The following BRSK2 variants were observed in gnomAD, a reference collection of about 807,000 sequenced individuals.
BRSK2 encodes the protein serine/threonine-protein kinase BRSK2.
BRSK2 carries 19 observed loss-of-function variants against 83.3 expected under a neutral mutation model. The observed-to-expected ratio is 0.23, with a 90% CI of 0.16 to 0.33. The LOEUF (loss-of-function observed/expected upper bound fraction) is 0.33. BRSK2 is among the 10% of genes least tolerant of loss of function. The pLI, the probability that BRSK2 is intolerant of heterozygous loss-of-function variation, is 1.00. For synonymous variants in BRSK2, 519 were observed against 435.4 expected, an observed-to-expected ratio of 1.19 and a Z score of -2.39; for missense variants, 798 against 1,042.3, an observed-to-expected ratio of 0.77 and a Z score of 3.23.
At chr11:1,437,711 G>C (rs1850514411) in intron 2 of BRSK2, among the ~76,000 whole-genome samples, 2 of 152,204 alleles carry the variant, frequency 1.3e-5, no homozygotes, top group Admixed American at 1.3e-4. Flanking sequence ...CCCTCCTCCT[G>C]TGAGGCCTCC....
rs757781225 is a variant in BRSK2 at position 1,436,066 on chromosome 11, G to A, written c.118G>A (p.Val40Ile). ...TCTGGTGAAGCTGGGGGTTCACTGCGTCACCTGCCAGAAGGTGGCCATCAA... is the reference window on the plus strand; with the variant it reads ...TCTGGTGAAGCTGGGGGTTCACTGCATCACCTGCCAGAAGGTGGCCATCAA... ...TGLVKLGVHC[V>I]TCQKVAIKIV... Residue 40 changes from valine (V) to isoleucine (I), a missense_variant, in exon 2 of 20, where the codon GTC (valine) becomes ATC (isoleucine). Coordinates refer to ENST00000528841, the MANE Select transcript of BRSK2 (RefSeq NM_001256627.2). 62 of 1,606,460 alleles carry A rather than the reference G, an allele frequency of 3.9e-5. No homozygotes were observed. The highest frequency in any genetic ancestry group is 4.8e-5 in the Non-Finnish European group (57 of 1,176,864).
intron 1 of BRSK2, among the ~76,000 whole-genome samples, chr11:1,392,787 C>T (rs911459689): frequency 1.3e-5 from 2 of 152,204 alleles, no homozygotes; most frequent in African/African-American, 2.4e-5. Context: ...CTCACCTGTA[C>T]GGCACCTCCC....
intron 1 of BRSK2, among the ~76,000 whole-genome samples, chr11:1,392,599 T>A (rs1375262491): frequency 1.3e-5 from 2 of 152,160 alleles, no homozygotes; most frequent in East Asian, 3.9e-4. Flanking sequence ...TGACCCAAGC[T>A]GGGGCCTGCT....
At chr11:1,401,894 G>A (rs754873333) in intron 1 of BRSK2, among the ~76,000 whole-genome samples, 11 of 152,252 alleles carry the variant, frequency 7.2e-5, no homozygotes, top group East Asian at 3.8e-4. Flanking sequence ...TGTGAGGGCC[G>A]GTGATTTTTG....
At chr11:1,455,855 C>T (rs926535203) in intron 16 of BRSK2, among the ~76,000 whole-genome samples, 2 of 152,058 alleles carry the variant, frequency 1.3e-5, no homozygotes, top group African/African-American at 4.8e-5. Context: ...TACTGTGAAG[C>T]CCACCCAGCC....
At chr11:1,445,930 G>A in intron 12 of BRSK2, 23 bp downstream of exon 12, 2 of 1,589,390 alleles carry the variant, frequency 1.3e-6, no homozygotes, top group Non-Finnish European at 1.7e-6. Context: ...CGAGGCTGCT[G>A]GGCCTCCCTC....
At chr11:1,449,484 T>C (rs535568006) in intron 12 of BRSK2, among the ~76,000 whole-genome samples, 1 of 152,280 alleles carries the variant, frequency 6.6e-6, no homozygotes, top group East Asian at 1.9e-4. Context: ...ACCCCCACGC[T>C]GGATGGTCCT....
chr11:1,453,839 C>T (rs1307228155), intron 15 of BRSK2: 1 of 152,370 alleles, frequency 6.6e-6, no homozygotes, highest in Non-Finnish European at 1.5e-5. Flanking sequence ...CGTGCCACCT[C>T]TGAACAGCCA....
At chr11:1,400,510 G>C (rs1449689544) in intron 1 of BRSK2, among the ~76,000 whole-genome samples, 2 of 152,234 alleles carry the variant, frequency 1.3e-5, no homozygotes, top group Non-Finnish European at 2.9e-5. Flanking sequence ...TAGCGGCCGT[G>C]GGTACTGTCT....
At position 1,462,209 on chromosome 11, in the gene BRSK2, T is replaced by C. The variant is rs1260991932; in HGVS notation, c.*1486T>C. 2 of 152,354 alleles carry C rather than the reference T, an allele frequency of 1.3e-5. No homozygotes were observed. The highest frequency in any genetic ancestry group is 6.5e-5 in the Admixed American group (1 of 15,288). 9.4% of individuals were successfully genotyped at this position (152,354 alleles called of 1,614,324 possible). On this transcript the variant is annotated 3_prime_UTR_variant, in exon 20 of 20. Transcript: ENST00000528841. ...AGGGCTGCAGGCCCACCCTGCCCAG[T>C]GCCCGCCGCCGTGCTTCACCCCAGC... is the stretch of plus-strand genomic sequence containing the variant.
At chr11:1,394,209 T>C (rs1192357778) in intron 1 of BRSK2, among the ~76,000 whole-genome samples, 1 of 83,510 alleles carries the variant, frequency 1.2e-5, no homozygotes, top group Non-Finnish European at 2.2e-5. Flanking sequence ...TGGAGATGGG[T>C]CCTGGAGATG....
Position 1,451,360 on chromosome 11 carries a change from T to C in BRSK2, c.1496-11T>C, listed in dbSNP as rs1845799781. 1.2e-6 allele frequency: 2 copies of C among 1,612,944 alleles called. No individual in the cohort carries two copies. The highest frequency in any genetic ancestry group is 1.7e-6 in the Non-Finnish European group (2 of 1,179,848). On this transcript the variant is annotated splice_polypyrimidine_tract_variant and intron_variant, in intron 14 of 19. Transcript: ENST00000528841. ...ACCACGCCTTTCCTCCTGTTCATCC[T>C]GTGTGCACAGTTCCGACGCCGGAGG...
chr11:1,398,057 C>T (rs774446395), intron 1 of BRSK2, among the ~76,000 whole-genome samples: 5 of 152,310 alleles, frequency 3.3e-5, no homozygotes, highest in Non-Finnish European at 7.4e-5. Context: ...GGCTGCAAGT[C>T]GGGCTGAGTC....
At chr11:1,457,554 C>A (rs1414516749) in intron 18 of BRSK2, among the ~76,000 whole-genome samples, 3 of 152,194 alleles carry the variant, frequency 2.0e-5, no homozygotes, top group African/African-American at 7.2e-5. Flanking sequence ...CATGCATGGG[C>A]CTGGTCTGTC....
chr11:1,447,653 G>A, intron 12 of BRSK2: 1 of 755,696 alleles, frequency 1.3e-6, no homozygotes, highest in Non-Finnish European at 2.2e-6. Context: ...TGTGCTGTCT[G>A]GCCCAGCCTC....
intron 1 of BRSK2, among the ~76,000 whole-genome samples, chr11:1,402,196 AG>A: frequency 6.6e-6 from 1 of 152,316 alleles, no homozygotes. Context: ...TGCGCTCTCC[AG>A]AGGCGGTGGG....
At chr11:1,434,181 GGTGAC>G (rs1291152458) in intron 1 of BRSK2, among the ~76,000 whole-genome samples, 1 of 152,260 alleles carries the variant, frequency 6.6e-6, no homozygotes, top group Non-Finnish European at 1.5e-5. Flanking sequence ...AGTAAACACC[GGTGAC>G]GTCCCGCGGG....
chr11:1,405,354 G>A (rs1250846135), intron 1 of BRSK2, among the ~76,000 whole-genome samples: 1 of 152,124 alleles, frequency 6.6e-6, no homozygotes. Context: ...ATATGCAGGT[G>A]TGTGTGTGCG....
Position 1,423,743 on chromosome 11 carries a change from TGGGC to T in BRSK2, c.92-12295_92-12292del, listed in dbSNP as rs1848873812. ...TCCGGGTGCCCCAGGCCTCCCCCGC[TGGGC>T]GTTCCGGGTGCCCCAGGCCTCCCCC... On this transcript the variant is annotated intron_variant, in intron 1 of 19. Coordinates refer to ENST00000528841, the MANE Select transcript of BRSK2 (RefSeq NM_001256627.2). This position sits in a 1 kb window ranked among gnomAD's most constrained non-coding sequence, Gnocchi z 6.5. Among the ~76,000 whole-genome samples, 1 of 142,408 alleles carries T rather than the reference TGGGC, an allele frequency of 7.0e-6. No homozygotes were observed. The highest frequency in any genetic ancestry group is 2.6e-5 in the African/African-American group (1 of 38,102). 93.4% of individuals were successfully genotyped at this position (142,408 alleles called of 152,430 possible).
Sources: gnomAD v4.1 joint callset for allele counts (sites outside exome capture counted in the v4.1 genomes callset) on GRCh38, gnomAD v4.1.1 for gene constraint, Gnocchi (gnomAD v3.1) non-coding constraint, MANE v1.5 for transcripts, NCBI Gene and HGNC (gene_info 2026-07-23, HGNC 2026-07-21) for gene names.